GALNT15: variants seen among roughly 807,000 people sequenced by gnomAD.
GALNT15 encodes the protein polypeptide N-acetylgalactosaminyltransferase 15.
In GALNT15, 67 loss-of-function variants were observed where a neutral mutation model predicts 66.8. The ratio of observed to expected loss-of-function variants is 1.00; its 90% CI spans 0.82 to 1.23. GALNT15 has a LOEUF of 1.23. Ranked by LOEUF, GALNT15 falls within the 50% of genes most tolerant of loss-of-function variation. GALNT15 has a pLI of 0.00. For synonymous variants in GALNT15, 313 were observed against 311.5 expected, an observed-to-expected ratio of 1.00 and a Z score of -0.05; for missense variants, 827 against 804.3, an observed-to-expected ratio of 1.03 and a Z score of -0.34.
At chr3:16,247,097 AGTGTGTGTGT>A in the GALNT15 span, among the ~76,000 whole-genome samples, 41 of 144,898 alleles carry the variant, frequency 2.8e-4, no homozygotes, top group East Asian at 6.1e-4. Context: ...CAAAGACTGT[AGTGTGTGTGT>A]GTGTGTGTGT....
In GALNT15 at chr3:16,211,315, C is replaced by A; in HGVS notation, c.1197+74C>A. 2.1e-6 allele frequency: 2 copies of A among 936,072 alleles called. No individual in the cohort carries two copies. Among genetic ancestry groups the A allele is most frequent in the Non-Finnish European group, 3.5e-6 (2 of 573,434 alleles). 58.0% of individuals were successfully genotyped at this position (936,072 alleles called of 1,614,324 possible). A position where few individuals can be genotyped will look rare whatever the true frequency, so the allele number is the denominator to read the frequency against. Reference sequence around the variant, plus strand: ...TGTATGGTCACAGCTCAGAGGCAGGCATTAGAAATGTCACTGGGAAGGAAT... The same window carrying A: ...TGTATGGTCACAGCTCAGAGGCAGGAATTAGAAATGTCACTGGGAAGGAAT... On this transcript the variant is annotated intron_variant, in intron 5 of 9. Coordinates refer to ENST00000339732, the MANE Select transcript of GALNT15 (RefSeq NM_054110.5). This position sits in a 1 kb window ranked among gnomAD's most constrained non-coding sequence, Gnocchi z 4.3.
Position 16,180,651 on chromosome 3 carries a change from G to A in GALNT15, c.539+4961G>A, listed in dbSNP as rs2063460318. 6.6e-6 allele frequency among the ~76,000 whole-genome samples: 1 copy of A among 152,224 alleles called. No individual in the cohort carries two copies. Among genetic ancestry groups the A allele is most frequent in the Admixed American group, 6.5e-5 (1 of 15,284 alleles). ...TACTGGTAGAGAAAGCGAGTGGAGA[G>A]CTGGTAGAGTTTGGGAAGTTTCCAC... On this transcript the variant is annotated intron_variant, in intron 1 of 9. Coordinates refer to ENST00000339732, the MANE Select transcript of GALNT15 (RefSeq NM_054110.5). This position sits in a 1 kb window ranked among gnomAD's most constrained non-coding sequence, Gnocchi z 5.0.
intron 1 of GALNT15, among the ~76,000 whole-genome samples, chr3:16,185,156 G>C (rs1039744875): frequency 6.6e-6 from 1 of 152,186 alleles, no homozygotes; most frequent in Non-Finnish European, 1.5e-5. Flanking sequence ...TCTGTTAAAT[G>C]ACTTGATAGA....
intron 6 of GALNT15, among the ~76,000 whole-genome samples, chr3:16,218,073 CTG>C (rs1179362348): frequency 6.6e-6 from 1 of 152,222 alleles, no homozygotes; most frequent in African/African-American, 2.4e-5. Flanking sequence ...TGTATCATCT[CTG>C]GGGCAGGGCC....
At chr3:16,179,309 A>G (rs116137785) in intron 1 of GALNT15, among the ~76,000 whole-genome samples, 75 of 152,360 alleles carry the variant, frequency 4.9e-4, no homozygotes, top group African/African-American at 1.7e-3. Flanking sequence ...TTATCTGACC[A>G]GGTGAGTCTG....
At chr3:16,201,610 T>C (rs756665657) in intron 3 of GALNT15, among the ~76,000 whole-genome samples, 1 of 152,212 alleles carries the variant, frequency 6.6e-6, no homozygotes, top group Non-Finnish European at 1.5e-5. Context: ...CAGCATTCTT[T>C]GTTTCCCCAG....
intron 6 of GALNT15, among the ~76,000 whole-genome samples, chr3:16,218,810 CTTTTTT>C (rs10538222): frequency 4.3e-5 from 4 of 92,918 alleles, no homozygotes; most frequent in African/African-American, 1.3e-4. Context: ...CTCTCTCTCT[CTTTTTT>C]TTTTTTTTTT....
At chr3:16,247,891 A>G in the GALNT15 span, among the ~76,000 whole-genome samples, 1 of 152,152 alleles carries the variant, frequency 6.6e-6, no homozygotes, top group African/African-American at 2.4e-5. Context: ...CACCCAGCAC[A>G]CACAGGGGCT....
intron 1 of GALNT15, among the ~76,000 whole-genome samples, chr3:16,194,533 A>G (rs981317053): frequency 1.3e-5 from 2 of 152,188 alleles, no homozygotes; most frequent in African/African-American, 4.8e-5. Context: ...GTGCACATGT[A>G]TGTTTGTTGC....
chr3:16,191,099 C>T lies in GALNT15; in HGVS notation c.540-4661C>T, dbSNP rs895273138. ...CTGTTTAGTTTATCCCACTCACACT[C>T]CCTGCCCATCCATTGGTTCACCATC... On this transcript the variant is annotated intron_variant, in intron 1 of 9. Transcript: ENST00000339732. The surrounding 1 kb of genome is among the most constrained non-coding windows in gnomAD (Gnocchi z 5.2). Among the ~76,000 whole-genome samples, 8 of 152,228 alleles carry T rather than the reference C, an allele frequency of 5.3e-5. No individual in the cohort carries two copies. Among genetic ancestry groups the T allele is most frequent in the Non-Finnish European group, 8.8e-5 (6 of 68,044 alleles).
chr3:16,216,183 A>G (rs554041690), intron 6 of GALNT15, among the ~76,000 whole-genome samples: 1 of 152,316 alleles, frequency 6.6e-6, no homozygotes, highest in Admixed American at 6.5e-5. Context: ...AGCAACCTCA[A>G]TTATTGCCTT....
Position 16,224,451 on chromosome 3 carries a change from A to G in GALNT15, c.1773+1693A>G, listed in dbSNP as rs1251967555. ...ATGATTCCACTTTTATGAGATATCT[A>G]AAGTAGTCAAATTAATAGAAACAGA... is the stretch of plus-strand genomic sequence containing the variant. On this transcript the variant is annotated intron_variant, in intron 9 of 9. Transcript: ENST00000339732. The surrounding 1 kb of genome is among the most constrained non-coding windows in gnomAD (Gnocchi z 5.2). Among the ~76,000 whole-genome samples the G allele has an allele frequency of 3.3e-5, 5 of 152,356 alleles. No homozygotes were observed. The highest frequency in any genetic ancestry group is 3.3e-4 in the Admixed American group (5 of 15,304).
At chr3:16,218,422 A>G (rs2063903731) in intron 6 of GALNT15, among the ~76,000 whole-genome samples, 2 of 152,156 alleles carry the variant, frequency 1.3e-5, no homozygotes, top group South Asian at 2.1e-4. Flanking sequence ...AGTATCCAAG[A>G]TTTGGTACTA....
the GALNT15 span, among the ~76,000 whole-genome samples, chr3:16,237,967 G>T: frequency 6.6e-6 from 1 of 152,194 alleles, no homozygotes; most frequent in Admixed American, 6.5e-5. This position sits in a 1 kb window ranked among gnomAD's most constrained non-coding sequence, Gnocchi z 4.2. Flanking sequence ...TCCAGATGAC[G>T]CTAGCCTTGC....
In GALNT15 at chr3:16,227,711, G is replaced by A; in HGVS notation, c.*211G>A. The A allele has an allele frequency of 7.5e-7, 1 of 1,335,886 alleles. No individual in the cohort carries two copies. The highest frequency in any genetic ancestry group is 9.6e-7 in the Non-Finnish European group (1 of 1,041,808). The allele number at this position is 1,335,886 out of a possible 1,614,324, so 82.8% of individuals were successfully genotyped here. A position where few individuals can be genotyped will look rare whatever the true frequency, so the allele number is the denominator to read the frequency against. ...GGCTGCTTTAAAAAAAAAAAAAAAG[G>A]ATCCATTGTACCGTTGTCTTCATCA... On this transcript the variant is annotated 3_prime_UTR_variant, in exon 10 of 10. Transcript: ENST00000339732. The surrounding 1 kb of genome is among the most constrained non-coding windows in gnomAD (Gnocchi z 4.5).
the GALNT15 span, among the ~76,000 whole-genome samples, chr3:16,244,803 A>T: frequency 6.6e-6 from 1 of 152,144 alleles, no homozygotes; most frequent in African/African-American, 2.4e-5. Context: ...TGCCAGGGGC[A>T]TGTCACCCAA....
the GALNT15 span, among the ~76,000 whole-genome samples, chr3:16,245,107 T>C: frequency 7.2e-5 from 11 of 152,312 alleles, 2 homozygotes; most frequent in Admixed American, 1.3e-4. Flanking sequence ...TGGGAACCAG[T>C]GGATGGATGT....
rs1448470497 is a variant in GALNT15, at chr3:16,203,541, TCTCACACACACA to T, written c.911+2720_911+2731del. 5.1e-5 allele frequency among the ~76,000 whole-genome samples: 3 copies of T among 58,630 alleles called. No individual in the cohort carries two copies. Among genetic ancestry groups the T allele is most frequent in the South Asian group, 5.3e-4 (1 of 1,886 alleles). The allele number at this position is 58,630 out of a possible 152,430, so 38.5% of individuals were successfully genotyped here. ...CTCATTCTCTCTCTCTCTCTCTCTC[TCTCACACACACA>T]CACACACACACACACACACACACAC... On this transcript the variant is annotated intron_variant, in intron 3 of 9. Transcript: ENST00000339732. This position sits in a 1 kb window ranked among gnomAD's most constrained non-coding sequence, Gnocchi z 6.2.
At chr3:16,244,725 C>G in the GALNT15 span, among the ~76,000 whole-genome samples, 1 of 152,176 alleles carries the variant, frequency 6.6e-6, no homozygotes, top group African/African-American at 2.4e-5. Context: ...CTTACCAGAC[C>G]CATGCTTAAG....
Sources: gnomAD v4.1 joint callset for allele counts (sites outside exome capture counted in the v4.1 genomes callset) on GRCh38, gnomAD v4.1.1 for gene constraint, Gnocchi (gnomAD v3.1) non-coding constraint, MANE v1.5 for transcripts, NCBI Gene and HGNC (gene_info 2026-07-23, HGNC 2026-07-21) for gene names.